The following ZNF584 variants were observed in gnomAD, a reference collection of about 807,000 sequenced individuals.
ZNF584 encodes zinc finger protein 584.
A neutral mutation model predicts 14.7 loss-of-function variants in ZNF584; 12 were observed. The ratio of observed to expected loss-of-function variants is 0.82; its 90% CI spans 0.52 to 1.32. The LOEUF is 1.32. Ranked by LOEUF, ZNF584 falls within the 40% of genes most tolerant of loss-of-function variation. ZNF584 has a pLI of 0.00. For synonymous variants in ZNF584, 204 were observed against 190.9 expected (o/e 1.07, Z -0.57); for missense variants, 478 against 518.8 (o/e 0.92, Z 0.76).
chr19:58,403,195 G>A (rs552163361), intron 1 of ZNF584, among the ~76,000 whole-genome samples: 1 of 152,314 alleles, frequency 6.6e-6, no homozygotes, highest in East Asian at 1.9e-4. Flanking sequence ...AATGAGTTGA[G>A]AACTTATGTC....
chr19:58,418,108 A>C lies in ZNF584; in HGVS notation c.*324A>C. 1 of 291,326 alleles carries C rather than the reference A, an allele frequency of 3.4e-6. No individual in the cohort carries two copies. The highest frequency in any genetic ancestry group is 6.4e-6 in the Non-Finnish European group (1 of 155,370). The allele number at this position is 291,326 out of a possible 1,614,324, so 18.0% of individuals were successfully genotyped here. ...AATCGTTAATAGTGGAGCCCAAAAC[A>C]GGCCTCATTCCCTACCCTTGACTGG... On this transcript the variant is annotated 3_prime_UTR_variant, in exon 4 of 4. Coordinates refer to ENST00000306910, the MANE Select transcript of ZNF584 (RefSeq NM_173548.3).
intron 2 of ZNF584, 35 bp from the exon 3 acceptor site, chr19:58,415,489 C>T (rs758555240): frequency 5.6e-6 from 9 of 1,596,924 alleles, no homozygotes; most frequent in Non-Finnish European, 7.7e-6. Context: ...AGCCACCATG[C>T]CCAGCCTGTT....
At chr19:58,415,471 C>T (rs1453447377) in intron 2 of ZNF584, 53 bp from the exon 3 acceptor site, 6 of 1,577,002 alleles carry the variant, frequency 3.8e-6, no homozygotes, top group Admixed American at 1.7e-5. Flanking sequence ...GCTGGGATTA[C>T]AGGCATCAGC....
Position 58,409,035 on chromosome 19 carries a change from C to G in ZNF584, c.-113C>G. 1 of 1,352,698 alleles carries G rather than the reference C, an allele frequency of 7.4e-7. No homozygotes were observed. The highest frequency in any genetic ancestry group is 1.5e-5 in the South Asian group (1 of 65,070). 83.8% of individuals were successfully genotyped at this position (1,352,698 alleles called of 1,614,324 possible). A position where few individuals can be genotyped will look rare whatever the true frequency, so the allele number is the denominator to read the frequency against. On this transcript the variant is annotated 5_prime_UTR_variant, in exon 1 of 4. Transcript: ENST00000306910. ...TCCCTGTCTTCGGACGCATTTCACC[C>G]GCGCGGGGAGAGCTTCCCGGGAAGG... is the stretch of plus-strand genomic sequence containing the variant.
At chr19:58,402,594 G>A (rs111852407) in intron 1 of ZNF584, among the ~76,000 whole-genome samples, 7 of 152,218 alleles carry the variant, frequency 4.6e-5, no homozygotes, top group African/African-American at 1.7e-4. Flanking sequence ...AGGCTGAGGT[G>A]GGCGGATCAC....
chr19:58,407,539 T>C (rs539520702), upstream of ZNF584, among the ~76,000 whole-genome samples: 1 of 152,016 alleles, frequency 6.6e-6, no homozygotes, highest in African/African-American at 2.4e-5. Flanking sequence ...TTAGAGGAGG[T>C]GGCATGATCT....
Position 58,417,262 on chromosome 19 carries a change from T to C in ZNF584, c.744T>C (p.Gly248=). 1.2e-6 allele frequency: 2 copies of C among 1,614,078 alleles called. No homozygotes were observed. The highest frequency in any genetic ancestry group is 1.7e-6 in the Non-Finnish European group (2 of 1,180,018). The part of the protein sequence containing the change: ...GIKPFKCSDC[G]KTFNRKDALV... ...AACCTTTTAAGTGTAGTGACTGTGG[T>C]AAAACCTTCAACCGCAAAGACGCAC... is the stretch of plus-strand genomic sequence containing the variant. Residue 248 remains glycine, a synonymous_variant, in exon 4 of 4, where the codon GGT becomes GGC. Transcript: ENST00000306910.
chr19:58,416,271 T>C, intron 3 of ZNF584: 2 of 218,722 alleles, frequency 9.1e-6, no homozygotes, highest in East Asian at 2.1e-4. Flanking sequence ...AGTTTTGCTC[T>C]TATTGCCCAG....
At position 58,417,132 on chromosome 19, in the gene ZNF584, G is replaced by A. The variant is rs980320595; in HGVS notation, c.614G>A (p.Arg205Gln). The A allele has an allele frequency of 3.1e-6, 5 of 1,613,798 alleles. No individual in the cohort carries two copies. Among genetic ancestry groups the A allele is most frequent in the Admixed American group, 1.7e-5 (1 of 59,974 alleles). ...AAGAAGTCAGCTCATATTAACCCCC[G>A]AAAAATTCACACTGGAGAAACAGCC... ...AFKKSAHINP[R>Q]KIHTGETAHV... Residue 205 changes from arginine (R) to glutamine (Q), a missense_variant, in exon 4 of 4, where the codon CGA becomes CAA. By Grantham distance (43) the Arg-to-Gln change is conservative. This residue lies in a region of ZNF584 where 283 missense variants were observed against 317.3 expected (regional missense o/e 0.89). Coordinates refer to ENST00000306910, the MANE Select transcript of ZNF584 (RefSeq NM_173548.3).
At chr19:58,403,745 C>A (rs1181428992), upstream of ZNF584, among the ~76,000 whole-genome samples, 3 of 151,870 alleles carry the variant, frequency 2.0e-5, no homozygotes, top group South Asian at 2.1e-4. Context: ...CTGAGCGGGG[C>A]GGATCACGAG....
At chr19:58,402,811 C>T (rs1402485643) in intron 1 of ZNF584, among the ~76,000 whole-genome samples, 5 of 106,606 alleles carry the variant, frequency 4.7e-5, no homozygotes, top group South Asian at 3.2e-4. Context: ...GCAACAAGAG[C>T]GAAACTGCGT....
intron 2 of ZNF584, 112 bp downstream of exon 2, chr19:58,410,203 C>A (rs1447859967): frequency 7.3e-7 from 1 of 1,369,692 alleles, no homozygotes. Flanking sequence ...CCCAGATTCC[C>A]TGTTGTAGGT....
In ZNF584 at chr19:58,416,660, C is replaced by T. The variant is rs545050682; in HGVS notation, c.293-151C>T. 7.9e-6 allele frequency: 8 copies of T among 1,016,408 alleles called. No homozygotes were observed. The East Asian group carries it at 2.2e-4, about 28-fold the overall frequency. 63.0% of individuals were successfully genotyped at this position (1,016,408 alleles called of 1,614,324 possible). On this transcript the variant is annotated intron_variant, in intron 3 of 3. Coordinates refer to ENST00000306910, the MANE Select transcript of ZNF584 (RefSeq NM_173548.3). ...CACGTGATCTGCCCGCCTTGGCCTC[C>T]CAAAGCACTGGGATTACAGGCGTGA...
intron 2 of ZNF584, among the ~76,000 whole-genome samples, chr19:58,410,705 GTATATATGTGTATATATATATGTA>G (rs2052554834): frequency 2.3e-5 from 1 of 42,830 alleles, no homozygotes; most frequent in Admixed American, 2.5e-4. Context: ...ATATATATAT[GTATATATGTGTATATATATATGTA>G]TATATATATA....
Position 58,417,790 on chromosome 19 carries a change from TG to T in ZNF584, c.*7del. 6.3e-7 allele frequency: 1 copy of T among 1,590,286 alleles called. No homozygotes were observed. The highest frequency in any genetic ancestry group is 8.6e-7 in the Non-Finnish European group (1 of 1,168,262). Reference sequence around the variant, plus strand: ...GGAAGGTCGTTAGCTGCTAGCACCGTGTTCATCAGGAAAGGTCTTATTCCAG... The same window carrying T: ...GGAAGGTCGTTAGCTGCTAGCACCGTTTCATCAGGAAAGGTCTTATTCCAG... On this transcript the variant is annotated 3_prime_UTR_variant, in exon 4 of 4. Transcript: ENST00000306910.
At chr19:58,415,445 C>A in intron 2 of ZNF584, 79 bp from the exon 3 acceptor site, 1 of 1,528,890 alleles carries the variant, frequency 6.5e-7, no homozygotes, top group South Asian at 1.2e-5. Flanking sequence ...TGATCTCCTA[C>A]CTCACTTTCC....
Position 58,415,452 on chromosome 19 carries a change from T to A in ZNF584, c.170-72T>A, listed in dbSNP as rs2052629352. On this transcript the variant is annotated intron_variant, in intron 2 of 3. Coordinates refer to ENST00000306910, the MANE Select transcript of ZNF584 (RefSeq NM_173548.3). ...GGTTTAAGTGATCTCCTACCTCACT[T>A]TCCAAAGTGCTGGGATTACAGGCAT... 10 of 1,550,110 alleles carry A rather than the reference T, an allele frequency of 6.5e-6. No individual in the cohort carries two copies. In the South Asian group the frequency reaches 1.1e-4, roughly 17 times the overall value.
upstream of ZNF584, chr19:58,408,013 T>C (rs1211801159): frequency 6.6e-6 from 1 of 152,264 alleles, no homozygotes; most frequent in Non-Finnish European, 1.5e-5. Flanking sequence ...GTCGCCCGCA[T>C]TGTGGGGCGC....
intron 2 of ZNF584, among the ~76,000 whole-genome samples, chr19:58,411,497 G>C (rs1053602208): frequency 2.7e-5 from 4 of 148,258 alleles, no homozygotes; most frequent in African/African-American, 1.0e-4. Context: ...TTGCACTCCA[G>C]CCTGGGCAAC....
Sources: allele counts gnomAD v4.1 joint callset (sites outside exome capture counted in the v4.1 genomes callset), GRCh38; gene constraint gnomAD v4.1.1; regional missense constraint gnomAD v4.1.1; transcripts MANE v1.5; gene names NCBI Gene and HGNC (gene_info 2026-07-23, HGNC 2026-07-21).